Variants in ARPP21 observed in about 807,000 individuals in gnomAD.
ARPP21 encodes the protein cAMP-regulated phosphoprotein 21.
A neutral mutation model predicts 113.2 loss-of-function variants in ARPP21; 69 were observed. That is an observed-to-expected ratio of 0.61 (90% CI 0.50 to 0.74). The LOEUF is 0.74. Among genes scored for constraint, ARPP21 ranks in the 30% least tolerant of loss-of-function variants. The probability of loss-of-function intolerance (pLI) is 0.00; values close to 1 mark genes in which losing one functional copy is unlikely to be tolerated. For synonymous variants in ARPP21, 368 were observed against 375.5 expected (o/e 0.98, Z 0.23); for missense variants, 1,070 against 1,037.4 (o/e 1.03, Z -0.43).
intron 16 of ARPP21, among the ~76,000 whole-genome samples, chr3:35,737,744 C>T (rs2094443584): frequency 6.6e-6 from 1 of 152,138 alleles, no homozygotes; most frequent in Admixed American, 6.5e-5. Context: ...AGAGTCAATA[C>T]TGAATTCTTC....
intron 13 of ARPP21, among the ~76,000 whole-genome samples, chr3:35,720,624 G>A (rs373706392): frequency 1.6e-4 from 25 of 152,048 alleles, no homozygotes; most frequent in East Asian, 7.7e-4. Flanking sequence ...GGTATTTTAC[G>A]GATGCATTAT....
intron 19 of ARPP21, among the ~76,000 whole-genome samples, chr3:35,789,929 C>A (rs2096714016): frequency 6.6e-6 from 1 of 152,102 alleles, no homozygotes; most frequent in African/African-American, 2.4e-5. Context: ...TATAGGCCAC[C>A]TAATTTATTT....
intron 11 of ARPP21, among the ~76,000 whole-genome samples, chr3:35,714,703 A>G (rs569385109): frequency 3.9e-5 from 6 of 152,278 alleles, no homozygotes; most frequent in Admixed American, 3.3e-4. Flanking sequence ...ATGTAATGGT[A>G]ATGGAATTTT....
intron 1 of ARPP21, among the ~76,000 whole-genome samples, chr3:35,657,487 T>G (rs1002726920): frequency 1.1e-4 from 17 of 152,166 alleles, no homozygotes; most frequent in African/African-American, 3.9e-4. Context: ...TAATAGCTAA[T>G]ACACTTATAA....
Position 35,719,609 on chromosome 3 carries a change from A to T in ARPP21, c.996-1996A>T, listed in dbSNP as rs936746256. On this transcript the variant is annotated intron_variant, in intron 13 of 20. Transcript: ENST00000684406. The stretch of plus-strand genomic sequence containing the variant: ...GGCACAGTCACACTGGCTTTTACAG[A>T]AAGTCTGGATTCCTGCCATGGAGGT... 3.9e-5 allele frequency among the ~76,000 whole-genome samples: 6 copies of T among 152,276 alleles called. No individual in the cohort carries two copies. The South Asian group carries it at 1.0e-3, about 26-fold the overall frequency.
At chr3:35,681,949 T>A (rs999294451) in intron 3 of ARPP21, 69 bp downstream of exon 3, 2 of 1,490,940 alleles carry the variant, frequency 1.3e-6, no homozygotes, top group African/African-American at 2.8e-5. Context: ...ATTTTCAGAA[T>A]ACTTTAGAGA....
At chr3:35,763,905 T>C (rs2095864797) in intron 19 of ARPP21, among the ~76,000 whole-genome samples, 1 of 152,174 alleles carries the variant, frequency 6.6e-6, no homozygotes, top group Non-Finnish European at 1.5e-5. Context: ...AGCTCATGCC[T>C]GTAATCCCAG....
intron 11 of ARPP21, among the ~76,000 whole-genome samples, chr3:35,713,060 C>T (rs1381946790): frequency 6.6e-6 from 1 of 152,066 alleles, no homozygotes; most frequent in Non-Finnish European, 1.5e-5. Context: ...GTGGTGCCAC[C>T]AGAGCTGAGG....
At chr3:35,767,023 C>T (rs929935173) in intron 19 of ARPP21, among the ~76,000 whole-genome samples, 5 of 152,154 alleles carry the variant, frequency 3.3e-5, no homozygotes, top group Non-Finnish European at 7.4e-5. Flanking sequence ...TAGCTCTTTA[C>T]TGCTCCAGTG....
At chr3:35,667,938 G>A (rs56668856) in intron 1 of ARPP21, among the ~76,000 whole-genome samples, 21 of 108,260 alleles carry the variant, frequency 1.9e-4, no homozygotes, top group African/African-American at 7.8e-4. Context: ...GGAGGAGAAG[G>A]AGAAGAAGAA....
At chr3:35,776,224 ATAT>A (rs879419323) in intron 19 of ARPP21, among the ~76,000 whole-genome samples, 3 of 152,324 alleles carry the variant, frequency 2.0e-5, no homozygotes, top group African/African-American at 4.8e-5. Context: ...GTTAATTGAA[ATAT>A]TATGCTTTCT....
chr3:35,743,801 A>C, intron 18 of ARPP21, 38 bp from the exon 19 acceptor site: 1 of 1,603,184 alleles, frequency 6.2e-7, no homozygotes. Flanking sequence ...CATTATCTAC[A>C]TTTTCATTCT....
At chr3:35,669,710 A>G (rs1451943562) in intron 1 of ARPP21, among the ~76,000 whole-genome samples, 3 of 152,124 alleles carry the variant, frequency 2.0e-5, no homozygotes, top group Non-Finnish European at 4.4e-5. Flanking sequence ...TGAAGTGTCA[A>G]TTTGCACTAG....
intron 19 of ARPP21, among the ~76,000 whole-genome samples, chr3:35,747,833 G>C (rs961475002): frequency 6.6e-6 from 1 of 151,678 alleles, no homozygotes; most frequent in Non-Finnish European, 1.5e-5. Flanking sequence ...GATTGCTTGA[G>C]CCTGGGAGGT....
chr3:35,647,089 G>A (rs1370444478), intron 1 of ARPP21, among the ~76,000 whole-genome samples: 1 of 152,016 alleles, frequency 6.6e-6, no homozygotes, highest in African/African-American at 2.4e-5. Flanking sequence ...CTTACCCTTA[G>A]CATTGTTAAG....
At chr3:35,755,474 T>C (rs1485057694) in intron 19 of ARPP21, among the ~76,000 whole-genome samples, 1 of 152,066 alleles carries the variant, frequency 6.6e-6, no homozygotes, top group Non-Finnish European at 1.5e-5. Context: ...TATGTTTTAG[T>C]TGTCTGCATT....
At chr3:35,757,368 C>T (rs1348440250) in intron 19 of ARPP21, among the ~76,000 whole-genome samples, 1 of 152,024 alleles carries the variant, frequency 6.6e-6, no homozygotes, top group African/African-American at 2.4e-5. Context: ...CAGACCCCTT[C>T]AATGAATCTT....
At chr3:35,735,726 T>C (rs1411487580) in intron 15 of ARPP21, among the ~76,000 whole-genome samples, 1 of 152,258 alleles carries the variant, frequency 6.6e-6, no homozygotes, top group African/African-American at 2.4e-5. Flanking sequence ...CTCAGGTTCC[T>C]AGAGAATATT....
chr3:35,652,426 A>AT (rs1478679864), intron 1 of ARPP21, among the ~76,000 whole-genome samples: 2 of 152,102 alleles, frequency 1.3e-5, no homozygotes, highest in African/African-American at 4.8e-5. Context: ...TCTAAAATCA[A>AT]TTTTTCTAAA....
Sources: gnomAD v4.1 joint callset for allele counts (sites outside exome capture counted in the v4.1 genomes callset) on GRCh38, gnomAD v4.1.1 for gene constraint, MANE v1.5 for transcripts, NCBI Gene and HGNC (gene_info 2026-07-23, HGNC 2026-07-21) for gene names.